PHF24: variants seen among roughly 807,000 people sequenced by gnomAD.
The protein encoded by PHF24 is Galpha inhibitory interacting protein.
In PHF24, 25 loss-of-function variants were observed where a neutral mutation model predicts 42.6. The ratio of observed to expected loss-of-function variants is 0.59; its 90% CI spans 0.43 to 0.82. PHF24 has a LOEUF of 0.82. PHF24 is among the 40% of genes least tolerant of loss of function. The pLI is 0.00. For synonymous variants in PHF24, 185 were observed against 204.8 expected (o/e 0.90, Z 0.83); for missense variants, 470 against 538.1 (o/e 0.87, Z 1.25).
At chr9:34,732,797 A>G in the PHF24 span, among the ~76,000 whole-genome samples, 1 of 152,346 alleles carries the variant, frequency 6.6e-6, no homozygotes, top group Non-Finnish European at 1.5e-5. Context: ...TTCTTCATAA[A>G]TGGAAACATG....
the PHF24 span, among the ~76,000 whole-genome samples, chr9:34,860,885 C>G: frequency 3.7e-3 from 561 of 152,234 alleles, 3 homozygotes; most frequent in African/African-American, 0.013. Flanking sequence ...CAATAAGCAG[C>G]CATGGACTGT....
the PHF24 span, among the ~76,000 whole-genome samples, chr9:34,911,993 A>G: frequency 1.2e-4 from 18 of 152,322 alleles, no homozygotes; most frequent in East Asian, 5.8e-4. Context: ...AAACTGAGAA[A>G]ATCCCATTTT....
the PHF24 span, among the ~76,000 whole-genome samples, chr9:34,766,318 C>T: frequency 1.6e-4 from 25 of 152,298 alleles, no homozygotes; most frequent in East Asian, 5.8e-4. Flanking sequence ...TTCCATTCTC[C>T]CCGTCACTTT....
the PHF24 span, among the ~76,000 whole-genome samples, chr9:34,860,108 GA>G: frequency 5.9e-5 from 9 of 152,272 alleles, no homozygotes; most frequent in South Asian, 1.0e-3. Flanking sequence ...GCAAGGTTTT[GA>G]GTTTCCCCTC....
At chr9:34,843,430 G>A in the PHF24 span, among the ~76,000 whole-genome samples, 2 of 152,098 alleles carry the variant, frequency 1.3e-5, no homozygotes, top group Non-Finnish European at 1.5e-5. Context: ...AGTTCTGAAT[G>A]CTATTCTGTT....
the PHF24 span, among the ~76,000 whole-genome samples, chr9:34,719,944 T>A: frequency 6.6e-6 from 1 of 152,334 alleles, no homozygotes; most frequent in African/African-American, 2.4e-5. Flanking sequence ...CCCCCATCCC[T>A]TAGGCACAGA....
At chr9:34,916,867 A>G in the PHF24 span, among the ~76,000 whole-genome samples, 1 of 152,218 alleles carries the variant, frequency 6.6e-6, no homozygotes, top group Non-Finnish European at 1.5e-5. Context: ...TAATATTTCA[A>G]AGAGAAATAC....
the PHF24 span, among the ~76,000 whole-genome samples, chr9:34,745,528 A>G: frequency 6.6e-6 from 1 of 152,034 alleles, no homozygotes; most frequent in South Asian, 2.1e-4. Flanking sequence ...TAAAGGAAAA[A>G]AACCAGCATG....
At chr9:34,719,943 C>G in the PHF24 span, among the ~76,000 whole-genome samples, 1 of 152,250 alleles carries the variant, frequency 6.6e-6, no homozygotes. Context: ...GCCCCCATCC[C>G]TTAGGCACAG....
At chr9:34,924,700 T>C in the PHF24 span, among the ~76,000 whole-genome samples, 4 of 152,242 alleles carry the variant, frequency 2.6e-5, no homozygotes, top group Non-Finnish European at 5.9e-5. Context: ...AGGCAGCAGA[T>C]AGTTGGGTTT....
At chr9:34,890,947 C>A in the PHF24 span, among the ~76,000 whole-genome samples, 3 of 152,206 alleles carry the variant, frequency 2.0e-5, no homozygotes, top group African/African-American at 7.2e-5. Flanking sequence ...CCAGGACTTA[C>A]ACATTGCTGT....
chr9:34,936,483 G>A, the PHF24 span, among the ~76,000 whole-genome samples: 1 of 151,914 alleles, frequency 6.6e-6, no homozygotes, highest in Admixed American at 6.5e-5. Flanking sequence ...CCTCTGCCCG[G>A]CCGCCACCCC....
chr9:34,854,258 T>C, the PHF24 span, among the ~76,000 whole-genome samples: 1 of 151,916 alleles, frequency 6.6e-6, no homozygotes, highest in South Asian at 2.1e-4. Flanking sequence ...AAGAGTTTTT[T>C]TGTGTCTCTG....
chr9:34,797,532 C>T, the PHF24 span, among the ~76,000 whole-genome samples: 14 of 152,268 alleles, frequency 9.2e-5, no homozygotes, highest in East Asian at 2.7e-3. Flanking sequence ...CTAGACTCTC[C>T]TCCGACTGCC....
chr9:34,788,285 C>T, the PHF24 span, among the ~76,000 whole-genome samples: 1 of 152,272 alleles, frequency 6.6e-6, no homozygotes, highest in Middle Eastern at 3.4e-3. Context: ...TCAAGTGATC[C>T]TTCCATCTCA....
At chr9:34,795,456 T>A in the PHF24 span, among the ~76,000 whole-genome samples, 1 of 152,078 alleles carries the variant, frequency 6.6e-6, no homozygotes, top group Admixed American at 6.5e-5. Context: ...AGACCTAGTC[T>A]ACAATAATTG....
the PHF24 span, among the ~76,000 whole-genome samples, chr9:34,759,374 C>T: frequency 6.6e-6 from 1 of 152,164 alleles, no homozygotes; most frequent in Admixed American, 6.5e-5. Context: ...TCCTATGGCC[C>T]TTGTTTTTTC....
chr9:34,780,422 G>A, the PHF24 span, among the ~76,000 whole-genome samples: 4 of 143,380 alleles, frequency 2.8e-5, no homozygotes, highest in Admixed American at 7.4e-5. Flanking sequence ...TCAGCCTCCC[G>A]AGTACAGGAG....
the PHF24 span, among the ~76,000 whole-genome samples, chr9:34,732,908 A>G: frequency 8.5e-3 from 1,296 of 152,338 alleles, 9 homozygotes; most frequent in Non-Finnish European, 0.016. Flanking sequence ...TGGTAAAACT[A>G]TAACATGACT....
Sources: allele counts gnomAD v4.1 joint callset (sites outside exome capture counted in the v4.1 genomes callset), GRCh38; gene constraint gnomAD v4.1.1; transcripts MANE v1.5; gene names NCBI Gene and HGNC (gene_info 2026-07-23, HGNC 2026-07-21).